The following PCDH15 variants were observed in gnomAD, a reference collection of about 807,000 sequenced individuals.
PCDH15 encodes the protein protocadherin-15.
Under a neutral mutation model 178.5 loss-of-function variants are expected in PCDH15, and 129 were observed. The observed-to-expected ratio is 0.72, with a 90% confidence interval of 0.63 to 0.84. The LOEUF (loss-of-function observed/expected upper bound fraction) is 0.84, where lower values mean the gene tolerates loss of function less well. PCDH15 is among the 40% of genes least tolerant of loss of function. The probability of loss-of-function intolerance (pLI) is 0.00; values close to 1 mark genes in which losing one functional copy is unlikely to be tolerated. For synonymous variants in PCDH15, 800 were observed against 732.0 expected (o/e 1.09, Z -1.50); for missense variants, 2,230 against 2,099.9 (o/e 1.06, Z -1.21).
chr10:54,307,365 G>C (rs911759483), intron 8 of PCDH15, among the ~76,000 whole-genome samples: 5 of 150,848 alleles, frequency 3.3e-5, no homozygotes, highest in African/African-American at 1.2e-4. Context: ...TGGAAAAACA[G>C]CACAATTGCC....
chr10:55,609,683 A>G (rs1401456599), intron 2 of PCDH15, among the ~76,000 whole-genome samples: 5 of 152,266 alleles, frequency 3.3e-5, no homozygotes, highest in African/African-American at 1.2e-4. Context: ...GAAAAAAATC[A>G]TAATCGTGCT....
intron 2 of PCDH15, among the ~76,000 whole-genome samples, chr10:55,145,517 G>T (rs1456115648): frequency 4.0e-5 from 6 of 151,896 alleles, no homozygotes; most frequent in Non-Finnish European, 7.4e-5. Context: ...TATAACTTAT[G>T]TAGACCCATA....
chr10:55,209,339 G>A (rs1033410693), intron 1 of PCDH15, among the ~76,000 whole-genome samples: 1 of 152,116 alleles, frequency 6.6e-6, no homozygotes, highest in Non-Finnish European at 1.5e-5. Context: ...TGATTCTGAA[G>A]AGAGAGATGA....
Position 53,831,282 on chromosome 10 carries a change from A to C in PCDH15, c.4202+33T>G, listed in dbSNP as rs749787212. On this transcript the variant is annotated intron_variant, in intron 30 of 37. Coordinates refer to ENST00000644397, the MANE Select transcript of PCDH15 (RefSeq NM_001384140.1). ...TGGTTTTCTGCAATGACTTCTGAGG[A>C]ACTATCCAGGTTTACCATCCTTGAA... is the stretch of plus-strand genomic sequence containing the variant. 5.0e-6 allele frequency: 8 copies of C among 1,596,714 alleles called. No homozygotes were observed. The Admixed American group carries it at 1.3e-4, about 27-fold the overall frequency.
At chr10:54,817,260 T>C (rs1336718243) in intron 3 of PCDH15, among the ~76,000 whole-genome samples, 1 of 151,992 alleles carries the variant, frequency 6.6e-6, no homozygotes, top group African/African-American at 2.4e-5. Flanking sequence ...TTAGAAGCTG[T>C]AATAATAATA....
intron 21 of PCDH15, among the ~76,000 whole-genome samples, chr10:53,979,245 T>C (rs981857984): frequency 1.3e-5 from 2 of 152,222 alleles, no homozygotes; most frequent in South Asian, 2.1e-4. Flanking sequence ...GGCAGAAACA[T>C]ACAAGACATC....
chr10:53,954,617 T>C (rs1406741907), intron 23 of PCDH15, among the ~76,000 whole-genome samples: 1 of 152,196 alleles, frequency 6.6e-6, no homozygotes, highest in Non-Finnish European at 1.5e-5. Flanking sequence ...CACTGCAACT[T>C]CTCAGAAAAC....
chr10:54,104,755 T>C (rs1412290794), intron 15 of PCDH15, among the ~76,000 whole-genome samples: 1 of 144,952 alleles, frequency 6.9e-6, no homozygotes, highest in Non-Finnish European at 1.5e-5. Flanking sequence ...GAGAACGGCA[T>C]GAACCCAGGA....
chr10:54,130,556 C>T (rs2042352014), intron 15 of PCDH15, among the ~76,000 whole-genome samples: 2 of 152,136 alleles, frequency 1.3e-5, no homozygotes, highest in African/African-American at 4.8e-5. Context: ...CATTCATGCA[C>T]TGAGGAAAAT....
chr10:54,128,446 T>C (rs1298265039), intron 15 of PCDH15, among the ~76,000 whole-genome samples: 1 of 152,184 alleles, frequency 6.6e-6, no homozygotes, highest in Non-Finnish European at 1.5e-5. Context: ...TTCTCTCCAA[T>C]GTTCTCTCCC....
chr10:55,163,800 G>A (rs144359671), intron 2 of PCDH15, among the ~76,000 whole-genome samples: 75 of 152,154 alleles, frequency 4.9e-4, no homozygotes, highest in Admixed American at 1.4e-3. Context: ...GGTCTAAAAC[G>A]GCAGGGAGGA....
intron 2 of PCDH15, among the ~76,000 whole-genome samples, chr10:55,486,453 TTA>T (rs1348467048): frequency 1.5e-5 from 2 of 134,322 alleles, no homozygotes; most frequent in African/African-American, 5.5e-5. Flanking sequence ...ATATAATAAT[TTA>T]TATGTTGTAC....
At chr10:55,189,083 T>C (rs1448458933) in intron 1 of PCDH15, among the ~76,000 whole-genome samples, 2 of 151,960 alleles carry the variant, frequency 1.3e-5, no homozygotes, top group Non-Finnish European at 2.9e-5. Flanking sequence ...ATGATTTTAC[T>C]GTTCTGATAC....
At chr10:54,670,656 T>C (rs1337818399) in intron 1 of PCDH15, among the ~76,000 whole-genome samples, 1 of 152,118 alleles carries the variant, frequency 6.6e-6, no homozygotes, top group Non-Finnish European at 1.5e-5. Flanking sequence ...TTTAATAAAA[T>C]ATAAATACAC....
chr10:55,538,452 TCTTTCCTTCCTTCCTC>T (rs1564441888), intron 2 of PCDH15, among the ~76,000 whole-genome samples: 1 of 131,762 alleles, frequency 7.6e-6, no homozygotes, highest in East Asian at 2.4e-4. Context: ...CTTCCTTCCT[TCTTTCCTTCCTTCCTC>T]CCTCCCTTCC....
chr10:54,002,366 C>T (rs924952211), intron 20 of PCDH15, among the ~76,000 whole-genome samples: 20 of 152,028 alleles, frequency 1.3e-4, no homozygotes, highest in Non-Finnish European at 1.5e-4. Context: ...ACTCATAGAG[C>T]ATTTCATCCA....
At chr10:55,192,653 T>G in intron 1 of PCDH15, among the ~76,000 whole-genome samples, 1 of 151,860 alleles carries the variant, frequency 6.6e-6, no homozygotes, top group Admixed American at 6.6e-5. Context: ...AAGCTATTGC[T>G]TATTTCACTA....
At chr10:55,239,681 A>G (rs900341005) in intron 1 of PCDH15, among the ~76,000 whole-genome samples, 3 of 152,174 alleles carry the variant, frequency 2.0e-5, no homozygotes, top group Non-Finnish European at 4.4e-5. Flanking sequence ...ACCAAAACAG[A>G]CAAATGGGAT....
intron 26 of PCDH15, among the ~76,000 whole-genome samples, chr10:53,902,437 T>G (rs1589333240): frequency 6.6e-6 from 1 of 152,166 alleles, no homozygotes; most frequent in Admixed American, 6.5e-5. Context: ...GATGTTTAGG[T>G]TTTATGTGCA....
Sources: gnomAD v4.1 joint callset for allele counts (sites outside exome capture counted in the v4.1 genomes callset) on GRCh38, gnomAD v4.1.1 for gene constraint, MANE v1.5 for transcripts, NCBI Gene and HGNC (gene_info 2026-07-23, HGNC 2026-07-21) for gene names.